MAP3K7: variants seen among roughly 807,000 people sequenced by gnomAD.
MAP3K7 encodes the protein TGF-beta activated kinase 1.
In MAP3K7, 21 loss-of-function variants were observed where a neutral mutation model predicts 84.8. The observed-to-expected ratio is 0.25, with a 90% CI of 0.18 to 0.36. The LOEUF (loss-of-function observed/expected upper bound fraction) is 0.36. MAP3K7 is among the 10% of genes least tolerant of loss of function. MAP3K7 has a pLI of 1.00. For missense variants in MAP3K7, 503 were observed against 747.7 expected, an observed-to-expected ratio of 0.67 and a Z score of 3.82; for synonymous variants, 241 against 247.7, an observed-to-expected ratio of 0.97 and a Z score of 0.25.
intron 14 of MAP3K7, among the ~76,000 whole-genome samples, chr6:90,521,041 C>G (rs1329274656): frequency 6.6e-6 from 1 of 151,916 alleles, no homozygotes; most frequent in African/African-American, 2.4e-5. Context: ...GCGTGGTATT[C>G]TGGGAGCAGA....
At chr6:90,531,399 C>G (rs1447776778) in intron 13 of MAP3K7, among the ~76,000 whole-genome samples, 1 of 152,066 alleles carries the variant, frequency 6.6e-6, no homozygotes, top group Non-Finnish European at 1.5e-5. Flanking sequence ...ATGATGACTT[C>G]TATGATATTC....
chr6:90,518,636 G>A, intron 15 of MAP3K7, 74 bp from the exon 16 acceptor site: 1 of 768,780 alleles, frequency 1.3e-6, no homozygotes, highest in Non-Finnish European at 2.3e-6. Flanking sequence ...AGTCAAGACA[G>A]AGACTGTGAT....
chr6:90,572,755 A>G (rs1227721291), intron 1 of MAP3K7, among the ~76,000 whole-genome samples: 1 of 152,144 alleles, frequency 6.6e-6, no homozygotes, highest in Non-Finnish European at 1.5e-5. Context: ...GTTGAAGCCA[A>G]CTGATGAATA....
chr6:90,548,069 A>G lies in MAP3K7; in HGVS notation c.1058T>C (p.Leu353Ser), dbSNP rs1317447514. 1.2e-6 allele frequency: 2 copies of G among 1,610,754 alleles called. No homozygotes were observed. The highest frequency in any genetic ancestry group is 1.7e-6 in the Non-Finnish European group (2 of 1,178,644). ...AACCTGTTGCTTTGCCTGATTTTTC[A>G]ACAATTTTGATTCTAAGCGCTTAAT... Reference protein sequence around the residue: ...DTIKRLESKLLKNQAKQQSES... With the variant: ...DTIKRLESKLSKNQAKQQSES... Residue 353 changes from leucine to serine, a missense_variant, in exon 10 of 17, where the codon TTG becomes TCG. Leu to Ser is a moderately radical substitution (Grantham distance 145). This residue lies in a region of MAP3K7 where 286 missense variants were observed against 313.6 expected (regional missense o/e 0.91). Coordinates refer to ENST00000369329, the MANE Select transcript of MAP3K7 (RefSeq NM_145331.3).
intron 13 of MAP3K7, among the ~76,000 whole-genome samples, chr6:90,527,489 A>T (rs1582167312): frequency 6.7e-6 from 1 of 150,194 alleles, no homozygotes; most frequent in African/African-American, 2.5e-5. Context: ...CTGGTCTTGA[A>T]CTCCTGGGCT....
At chr6:90,544,984 G>A (rs1775959349) in intron 11 of MAP3K7, among the ~76,000 whole-genome samples, 1 of 152,092 alleles carries the variant, frequency 6.6e-6, no homozygotes, top group South Asian at 2.1e-4. Flanking sequence ...GGGAACGAAG[G>A]AGGAGAGGAA....
chr6:90,536,192 C>T (rs1027875031), intron 13 of MAP3K7, 145 bp downstream of exon 13: 1 of 564,444 alleles, frequency 1.8e-6, no homozygotes, highest in Non-Finnish European at 3.1e-6. Flanking sequence ...TTTTTCCCCC[C>T]TAAGTATTTA....
At chr6:90,533,713 G>A (rs958527064) in intron 13 of MAP3K7, among the ~76,000 whole-genome samples, 51 of 152,170 alleles carry the variant, frequency 3.4e-4, no homozygotes, top group African/African-American at 1.2e-3. Flanking sequence ...TATCTTGTCT[G>A]ATATTGGTGT....
chr6:90,555,690 G>T (rs1030214531), intron 6 of MAP3K7, among the ~76,000 whole-genome samples: 7 of 152,168 alleles, frequency 4.6e-5, no homozygotes, highest in African/African-American at 1.7e-4. Flanking sequence ...TGAGAACACT[G>T]AATTAGTGAA....
At chr6:90,517,467 C>CA (rs1775003437) in intron 16 of MAP3K7, among the ~76,000 whole-genome samples, 1 of 151,834 alleles carries the variant, frequency 6.6e-6, no homozygotes, top group Non-Finnish European at 1.5e-5. Context: ...TCACAGCCAA[C>CA]ACCCTAATCC....
intron 1 of MAP3K7, among the ~76,000 whole-genome samples, chr6:90,575,973 A>G (rs1234814051): frequency 2.0e-5 from 3 of 152,190 alleles, no homozygotes; most frequent in Admixed American, 6.5e-5. Flanking sequence ...GGAGGGGAGG[A>G]GAAAAGAAAA....
chr6:90,556,881 C>T (rs138386302), intron 5 of MAP3K7, among the ~76,000 whole-genome samples: 2 of 152,278 alleles, frequency 1.3e-5, no homozygotes, highest in African/African-American at 2.4e-5. Context: ...TCATCTCTAG[C>T]TCCAAAATCT....
At position 90,548,087 on chromosome 6, in the gene MAP3K7, C is replaced by T. The variant is rs1185961784; in HGVS notation, c.1040G>A (p.Arg347His). 3.7e-6 allele frequency: 6 copies of T among 1,611,504 alleles called. No individual in the cohort carries two copies. Among genetic ancestry groups the T allele is most frequent in the Middle Eastern group, 1.6e-4 (1 of 6,070 alleles). Residue 347 changes from arginine (R) to histidine (H), a missense_variant, in exon 10 of 17, where the codon CGC becomes CAC. Arg to His is a conservative substitution (Grantham distance 29). Coordinates refer to ENST00000369329, the MANE Select transcript of MAP3K7 (RefSeq NM_145331.3). ...QVPATNDTIK[R>H]LESKLLKNQA... ...ATTTTTCAACAATTTTGATTCTAAG[C>T]GCTTAATAGTATCATTTGTGGCAGG...
chr6:90,549,278 T>C (rs1425346026), intron 9 of MAP3K7, among the ~76,000 whole-genome samples: 1 of 151,918 alleles, frequency 6.6e-6, no homozygotes, highest in Non-Finnish European at 1.5e-5. Flanking sequence ...CAGCTGAGAG[T>C]GAGGAGTGGC....
chr6:90,533,631 T>G (rs1161849009), intron 13 of MAP3K7, among the ~76,000 whole-genome samples: 1 of 152,224 alleles, frequency 6.6e-6, no homozygotes, highest in Non-Finnish European at 1.5e-5. Context: ...CACAGTGACC[T>G]TGTTTTTGTC....
chr6:90,572,603 G>A (rs1776943460), intron 1 of MAP3K7, among the ~76,000 whole-genome samples: 1 of 151,540 alleles, frequency 6.6e-6, no homozygotes, highest in Non-Finnish European at 1.5e-5. Context: ...ATTTATGGTG[G>A]TGGCTGACAA....
intron 13 of MAP3K7, among the ~76,000 whole-genome samples, chr6:90,528,838 G>A (rs9345027): frequency 0.026 from 3,946 of 152,246 alleles, 63 homozygotes; most frequent in Middle Eastern, 0.044. Flanking sequence ...AAGAAAAACT[G>A]ATGAAATATG....
chr6:90,532,738 T>C (rs971379516), intron 13 of MAP3K7, among the ~76,000 whole-genome samples: 8 of 152,184 alleles, frequency 5.3e-5, no homozygotes, highest in Admixed American at 6.5e-5. Flanking sequence ...GTATAAAACA[T>C]AAATTTGTGC....
intron 1 of MAP3K7, among the ~76,000 whole-genome samples, chr6:90,578,390 A>T (rs979329055): frequency 2.6e-5 from 4 of 152,056 alleles, no homozygotes; most frequent in Non-Finnish European, 5.9e-5. Context: ...CTCCTGCCTC[A>T]GCCACCCCAA....
Sources: allele counts gnomAD v4.1 joint callset (sites outside exome capture counted in the v4.1 genomes callset), GRCh38; gene constraint gnomAD v4.1.1; regional missense constraint gnomAD v4.1.1; transcripts MANE v1.5; gene names NCBI Gene and HGNC (gene_info 2026-07-23, HGNC 2026-07-21).